KDM4B: variants seen among roughly 807,000 people sequenced by gnomAD.
KDM4B encodes lysine demethylase 4B.
In KDM4B, 32 loss-of-function variants were observed where a neutral mutation model predicts 125.2. The observed-to-expected ratio is 0.26, with a 90% CI of 0.19 to 0.34. The LOEUF (loss-of-function observed/expected upper bound fraction) is 0.34, where lower values mean the gene tolerates loss of function less well. Ranked by LOEUF, KDM4B falls within the 10% of genes least tolerant of loss-of-function variation. KDM4B has a pLI of 1.00. For synonymous variants in KDM4B, 721 were observed against 677.9 expected, an observed-to-expected ratio of 1.06 and a Z score of -0.99; for missense variants, 1,190 against 1,577.7, an observed-to-expected ratio of 0.75 and a Z score of 4.16.
At chr19:5,085,173 C>G (rs1346904442) in intron 9 of KDM4B, among the ~76,000 whole-genome samples, 1 of 152,176 alleles carries the variant, frequency 6.6e-6, no homozygotes, top group Non-Finnish European at 1.5e-5. Context: ...GGGTCTACAG[C>G]AGGGAAGGCT....
chr19:5,125,681 C>T (rs1164305659), intron 11 of KDM4B, among the ~76,000 whole-genome samples: 1 of 152,212 alleles, frequency 6.6e-6, no homozygotes, highest in Non-Finnish European at 1.5e-5. Flanking sequence ...TCAGCCCCCA[C>T]AGAAAGGCCA....
intron 2 of KDM4B, among the ~76,000 whole-genome samples, chr19:5,031,158 G>T (rs1344674974): frequency 6.6e-6 from 1 of 152,234 alleles, no homozygotes; most frequent in African/African-American, 2.4e-5. Flanking sequence ...CGGGAGGGCA[G>T]GTGCAGCGTT....
At chr19:5,097,959 G>A (rs1019738096) in intron 9 of KDM4B, among the ~76,000 whole-genome samples, 2 of 152,218 alleles carry the variant, frequency 1.3e-5, no homozygotes, top group East Asian at 1.9e-4. Flanking sequence ...CATGGGGGGC[G>A]CAAATGTCAG....
At position 5,137,320 on chromosome 19, in the gene KDM4B, G is replaced by A. The variant is rs139188885; in HGVS notation, c.2367G>A (p.Ala789=). The A allele has an allele frequency of 1.6e-4, 256 of 1,574,304 alleles. 1 individual carries two copies. The African/African-American group carries it at 2.6e-3, about 16-fold the overall frequency. ...VNEGWTCSRC[A]AHAWTAECCL... is the part of the protein sequence containing the mutation. ...AAGGCTGGACGTGTTCCCGGTGCGC[G>A]GCCCACGCCTGGACTGCGGTAACTC... is the stretch of plus-strand genomic sequence containing the variant. The change falls in exon 16 of 23, where the codon GCG becomes GCA. Residue 789 remains alanine, a synonymous_variant. Coordinates refer to ENST00000159111, the MANE Select transcript of KDM4B (RefSeq NM_015015.3).
At chr19:5,030,278 T>C (rs1268408908) in intron 2 of KDM4B, among the ~76,000 whole-genome samples, 4 of 152,192 alleles carry the variant, frequency 2.6e-5, no homozygotes, top group Admixed American at 2.6e-4. Flanking sequence ...AGCGCTTTCC[T>C]GTCGTACAGA....
At chr19:5,101,011 A>G (rs1013334013) in intron 9 of KDM4B, among the ~76,000 whole-genome samples, 3 of 152,020 alleles carry the variant, frequency 2.0e-5, no homozygotes, top group South Asian at 2.1e-4. Context: ...ACCTGAGGTC[A>G]GGAGTTCAAG....
chr19:4,989,299 T>C (rs1161425686), intron 1 of KDM4B, among the ~76,000 whole-genome samples: 3 of 152,218 alleles, frequency 2.0e-5, no homozygotes, highest in African/African-American at 7.2e-5. Context: ...AGTCTTCCTT[T>C]CTTTTTTCTG....
At chr19:5,147,699 C>T (rs532762292) in intron 21 of KDM4B, among the ~76,000 whole-genome samples, 4 of 149,026 alleles carry the variant, frequency 2.7e-5, no homozygotes, top group East Asian at 2.0e-4. Flanking sequence ...TCCAAGATCG[C>T]GCCACTGCAC....
At chr19:5,118,292 G>A (rs951439755) in intron 10 of KDM4B, among the ~76,000 whole-genome samples, 16 of 152,224 alleles carry the variant, frequency 1.1e-4, no homozygotes, top group South Asian at 2.1e-4. Context: ...CCCGGAAGCC[G>A]CAGCCGGCAT....
chr19:4,993,195 A>G (rs1034887823), intron 1 of KDM4B, among the ~76,000 whole-genome samples: 1 of 152,174 alleles, frequency 6.6e-6, no homozygotes, highest in African/African-American at 2.4e-5. Context: ...GGATCACCTG[A>G]GGTCAGCAGT....
At chr19:4,993,387 C>T (rs930174151) in intron 1 of KDM4B, among the ~76,000 whole-genome samples, 3 of 148,380 alleles carry the variant, frequency 2.0e-5, no homozygotes, top group Non-Finnish European at 4.4e-5. Flanking sequence ...CCAGCCTGGG[C>T]GACAGAGTGA....
intron 11 of KDM4B, among the ~76,000 whole-genome samples, chr19:5,130,739 C>T (rs1223415162): frequency 6.6e-6 from 1 of 152,222 alleles, no homozygotes; most frequent in Non-Finnish European, 1.5e-5. Context: ...GAGCAGCCTC[C>T]CCTGGCTGGG....
At position 4,971,401 on chromosome 19, in the gene KDM4B, T is replaced by A. The variant is rs1284725517; in HGVS notation, c.-109+2171T>A. ...CCACCTGACCACTCTGCCTGTACTT[T>A]AATTCCTAATTTCTCTGTCTCCTCT... is the stretch of plus-strand genomic sequence containing the variant. On this transcript the variant is annotated intron_variant, in intron 1 of 22. Transcript: ENST00000159111. This position sits in a 1 kb window ranked among gnomAD's most constrained non-coding sequence, Gnocchi z 4.1. Among the ~76,000 whole-genome samples, 1 of 151,492 alleles carries A rather than the reference T, an allele frequency of 6.6e-6. No homozygotes were observed. The highest frequency in any genetic ancestry group is 2.1e-4 in the South Asian group (1 of 4,812).
Position 4,989,267 on chromosome 19 carries a change from C to T in KDM4B, c.-109+20037C>T, listed in dbSNP as rs540766830. Reference sequence around the variant, plus strand: ...GTGGGGCAGGGGGGCCGTGTTCACACGTGCTGTTGGCTGTGTCTGCCAGTC... The same window carrying T: ...GTGGGGCAGGGGGGCCGTGTTCACATGTGCTGTTGGCTGTGTCTGCCAGTC... On this transcript the variant is annotated intron_variant, in intron 1 of 22. Coordinates refer to ENST00000159111, the MANE Select transcript of KDM4B (RefSeq NM_015015.3). 1.1e-4 allele frequency among the ~76,000 whole-genome samples: 16 copies of T among 152,298 alleles called. No individual in the cohort carries two copies. In the East Asian group the frequency reaches 1.9e-3, roughly 18 times the overall value.
chr19:5,088,294 C>T (rs1247179739), intron 9 of KDM4B, among the ~76,000 whole-genome samples: 3 of 152,218 alleles, frequency 2.0e-5, no homozygotes, highest in African/African-American at 7.2e-5. Flanking sequence ...ACATCCAGCT[C>T]TTAGCGGCTC....
At position 4,985,771 on chromosome 19, in the gene KDM4B, C is replaced by T. The variant is rs942293100; in HGVS notation, c.-109+16541C>T. On this transcript the variant is annotated intron_variant, in intron 1 of 22. Coordinates refer to ENST00000159111, the MANE Select transcript of KDM4B (RefSeq NM_015015.3). ...ACTGCCCCCAGCGTTGGGCCAGGAC[C>T]GCTCATCCTGTGGGCGGATGGTTTT... Among the ~76,000 whole-genome samples the T allele has an allele frequency of 7.9e-5, 12 of 152,334 alleles. 1 individual carries two copies. The highest frequency in any genetic ancestry group is 2.1e-4 in the South Asian group (1 of 4,828).
chr19:5,125,774 AC>A (rs1284615278), intron 11 of KDM4B, among the ~76,000 whole-genome samples: 1 of 137,794 alleles, frequency 7.3e-6, no homozygotes, highest in African/African-American at 2.7e-5. Flanking sequence ...GGTGCTGCCC[AC>A]CCCCCGCCCC....
chr19:5,056,564 T>A (rs2037402689), intron 6 of KDM4B, among the ~76,000 whole-genome samples: 1 of 151,976 alleles, frequency 6.6e-6, no homozygotes, highest in African/African-American at 2.4e-5. Context: ...TGCTGCCACA[T>A]TTGGCTGATT....
At chr19:5,058,031 C>T (rs983414863) in intron 6 of KDM4B, among the ~76,000 whole-genome samples, 1 of 152,230 alleles carries the variant, frequency 6.6e-6, no homozygotes, top group African/African-American at 2.4e-5. Context: ...CAGGGCCCAC[C>T]ACTTCTGCCC....
Sources: allele counts gnomAD v4.1 joint callset (sites outside exome capture counted in the v4.1 genomes callset), GRCh38; gene constraint gnomAD v4.1.1; non-coding constraint Gnocchi (gnomAD v3.1); transcripts MANE v1.5; gene names NCBI Gene and HGNC (gene_info 2026-07-23, HGNC 2026-07-21).